The following CAPS2 variants were observed in gnomAD, a reference collection of about 807,000 sequenced individuals.
CAPS2 encodes calcyphosin-2.
In CAPS2, 98 loss-of-function variants were observed where a neutral mutation model predicts 86.5. The observed-to-expected ratio is 1.13, with a 90% CI of 0.96 to 1.34. The LOEUF is 1.34. Among genes scored for constraint, CAPS2 ranks in the 40% most tolerant of loss-of-function variants. The probability of loss-of-function intolerance (pLI) is 0.00; values close to 1 mark genes in which losing one functional copy is unlikely to be tolerated. For missense variants in CAPS2, 729 were observed against 686.8 expected (o/e 1.06, Z -0.69); for synonymous variants, 210 against 225.1 (o/e 0.93, Z 0.60).
downstream of CAPS2, chr12:75,276,963 ATTAAGT>A: frequency 1.0e-6 from 1 of 984,586 alleles, no homozygotes; most frequent in Non-Finnish European, 1.2e-6. Flanking sequence ...ATGCTCTTTT[ATTAAGT>A]TTAACACTAA....
intron 16 of CAPS2, among the ~76,000 whole-genome samples, chr12:75,279,321 T>C (rs1242166313): frequency 6.6e-6 from 1 of 151,916 alleles, no homozygotes; most frequent in East Asian, 1.9e-4. Flanking sequence ...TTTTTGATCA[T>C]AAATTTTTAA....
At chr12:75,354,776 A>C (rs958989893) in intron 1 of CAPS2, among the ~76,000 whole-genome samples, 2 of 152,194 alleles carry the variant, frequency 1.3e-5, no homozygotes, top group Admixed American at 6.5e-5. Flanking sequence ...TGGTACAAAA[A>C]CAGACACACA....
In CAPS2 at chr12:75,304,738, G is replaced by A. The variant is rs1168914444; in HGVS notation, c.779+19C>T. 1 of 1,532,790 alleles carries A rather than the reference G, an allele frequency of 6.5e-7. No individual in the cohort carries two copies. The highest frequency in any genetic ancestry group is 8.9e-7 in the Non-Finnish European group (1 of 1,121,732). The allele number at this position is 1,532,790 out of a possible 1,614,324, so 94.9% of individuals were successfully genotyped here. ...AGAACATAGTGCATCCTCATTTTAT[G>A]TAATTAAAATCTTCTTACTTTGTTT... is the stretch of plus-strand genomic sequence containing the variant. On this transcript the variant is annotated intron_variant, in intron 8 of 16. Coordinates refer to ENST00000393284, the Ensembl canonical transcript of CAPS2.
intron 5 of CAPS2, 90 bp from the exon 6 acceptor site, chr12:75,316,524 C>G (rs2039781917): frequency 2.6e-6 from 3 of 1,149,874 alleles, no homozygotes; most frequent in East Asian, 5.7e-5. Context: ...TACGGAATAT[C>G]TCAGTGACTA....
At chr12:75,293,865 T>C (rs987287570) in intron 11 of CAPS2, among the ~76,000 whole-genome samples, 1 of 152,226 alleles carries the variant, frequency 6.6e-6, no homozygotes, top group African/African-American at 2.4e-5. Flanking sequence ...TCTAAACTTA[T>C]AAAATGATTA....
Position 75,298,808 on chromosome 12 carries a change from A to G in CAPS2, c.951-28T>C, listed in dbSNP as rs566263623. On this transcript the variant is annotated intron_variant, in intron 10 of 16. Transcript: ENST00000393284. ...AGAAAGTAAATGAAAAAAAAATGGA[A>G]AGTTATTTAGCTTCTCTCGGAAGTG... 58 of 1,604,234 alleles carry G rather than the reference A, an allele frequency of 3.6e-5. 1 individual carries two copies. The South Asian group carries it at 5.7e-4, about 16-fold the overall frequency.
rs916394805 is a variant in CAPS2, at chr12:75,362,750, CAT to C, written c.-395+28086_-395+28087del. 4.9e-4 allele frequency among the ~76,000 whole-genome samples: 74 copies of C among 152,240 alleles called. 1 individual carries two copies. Among genetic ancestry groups the C allele is most frequent in the Non-Finnish European group, 3.7e-4 (25 of 68,004 alleles). ...TACTTTAAAATTAAAACATAAAACA[CAT>C]GTTTATGTTCATACTTAAATATTAC... On this transcript the variant is annotated intron_variant, in intron 1 of 5. Coordinates refer to the CAPS2 transcript ENST00000551829.
intron 14 of CAPS2, among the ~76,000 whole-genome samples, chr12:75,288,897 T>A (rs2035365021): frequency 6.6e-6 from 1 of 151,576 alleles, no homozygotes. Flanking sequence ...AAAAATAAAA[T>A]GAGAAATTGG....
upstream of CAPS2, chr12:75,329,683 G>A (rs572986699): frequency 1.1e-5 from 5 of 474,084 alleles, no homozygotes; most frequent in Admixed American, 8.5e-5. Flanking sequence ...ATGAAGGTAG[G>A]GACCAAGTCT....
intron 1 of CAPS2, among the ~76,000 whole-genome samples, chr12:75,372,132 A>G (rs2044399751): frequency 6.6e-6 from 1 of 152,130 alleles, no homozygotes. Context: ...CTCCTGCCTC[A>G]GCCTTCCGAG....
At chr12:75,305,795 A>G in intron 7 of CAPS2, 2 of 733,012 alleles carry the variant, frequency 2.7e-6, no homozygotes, top group East Asian at 5.8e-5. Context: ...TGTCGTCGGC[A>G]GCTACAATTA....
At chr12:75,313,002 A>T in intron 6 of CAPS2, 87 bp from the exon 7 acceptor site, 1 of 703,356 alleles carries the variant, frequency 1.4e-6, no homozygotes, top group Non-Finnish European at 2.5e-6. Context: ...CATAAATTAA[A>T]TATCTCTGAT....
chr12:75,366,094 T>C (rs1430537491), intron 1 of CAPS2, among the ~76,000 whole-genome samples: 3 of 152,172 alleles, frequency 2.0e-5, no homozygotes, highest in Non-Finnish European at 1.5e-5. Flanking sequence ...ATTAAAGATT[T>C]TATTTAAGTC....
At chr12:75,389,502 T>C (rs1451922145) in intron 1 of CAPS2, among the ~76,000 whole-genome samples, 2 of 152,246 alleles carry the variant, frequency 1.3e-5, no homozygotes, top group Non-Finnish European at 2.9e-5. Context: ...TTCTTCCAAA[T>C]CTAAGATTGC....
At chr12:75,316,941 C>T (rs6582287) in intron 5 of CAPS2, among the ~76,000 whole-genome samples, 146,652 of 152,224 alleles carry the variant, frequency 0.96, 70,750 homozygotes, top group East Asian at 1. Context: ...TTTGACTATG[C>T]GTTTACGCTA....
intron 1 of CAPS2, among the ~76,000 whole-genome samples, chr12:75,381,821 G>T (rs1381909695): frequency 1.3e-5 from 2 of 151,916 alleles, no homozygotes; most frequent in African/African-American, 4.8e-5. Flanking sequence ...CACCATGTTG[G>T]TCAGGATGGT....
chr12:75,352,322 T>C (rs2042870230), intron 1 of CAPS2, among the ~76,000 whole-genome samples: 1 of 151,790 alleles, frequency 6.6e-6, no homozygotes. Context: ...ACCAAGCAAA[T>C]GGAAAACAGA....
At chr12:75,318,029 T>A (rs2039945542) in intron 5 of CAPS2, 6 of 152,038 alleles carry the variant, frequency 3.9e-5, no homozygotes, top group Admixed American at 3.9e-4. Flanking sequence ...CAACCAATAT[T>A]TTACTCTCTG....
intron 7 of CAPS2, among the ~76,000 whole-genome samples, chr12:75,311,370 C>T (rs2138790779): frequency 1.3e-5 from 2 of 152,184 alleles, no homozygotes; most frequent in African/African-American, 4.8e-5. Flanking sequence ...ATCAAAATAT[C>T]ACCAGGATTT....
Sources: allele counts gnomAD v4.1 joint callset (sites outside exome capture counted in the v4.1 genomes callset), GRCh38; gene constraint gnomAD v4.1.1; transcripts MANE v1.5; gene names NCBI Gene and HGNC (gene_info 2026-07-23, HGNC 2026-07-21).